The following PTPRT variants were observed in gnomAD, a reference collection of about 807,000 sequenced individuals.
The protein encoded by PTPRT is receptor-type tyrosine-protein phosphatase T.
Under a neutral mutation model 176.8 loss-of-function variants are expected in PTPRT, and 56 were observed. The observed-to-expected ratio is 0.32, with a 90% CI of 0.26 to 0.40. The LOEUF is 0.40. Among genes scored for constraint, PTPRT ranks in the 10% least tolerant of loss-of-function variants. The pLI, the probability that PTPRT is intolerant of heterozygous loss-of-function variation, is 1.00. For missense variants in PTPRT, 1,540 were observed against 1,908.2 expected (o/e 0.81, Z 3.60); for synonymous variants, 783 against 739.0 (o/e 1.06, Z -0.96).
chr20:43,146,189 A>G (rs547592763), intron 1 of PTPRT, among the ~76,000 whole-genome samples: 2 of 152,310 alleles, frequency 1.3e-5, no homozygotes, highest in Admixed American at 1.3e-4. Flanking sequence ...CATAATCCCC[A>G]CTGACACACT....
rs189175458 is a variant in PTPRT at position 42,425,587 on chromosome 20, A to G, written c.1560+22633T>C. On this transcript the variant is annotated intron_variant, in intron 9 of 30. Transcript: ENST00000373187. ...CATAGTTGATAATATTGTATTCTAT[A>G]CTTGAAATTTGCTAAGAGAGCTTAT... is the stretch of plus-strand genomic sequence containing the variant. Among the ~76,000 whole-genome samples the G allele has an allele frequency of 3.3e-5, 5 of 152,316 alleles. No homozygotes were observed. In the East Asian group the frequency reaches 9.6e-4, roughly 29 times the overall value.
chr20:42,211,289 G>C lies in PTPRT; in HGVS notation c.2343-11901C>G, dbSNP rs1414208204. The stretch of plus-strand genomic sequence containing the variant: ...AGCAATGGCAACAAAAGACAAAATT[G>C]ACAAATGGGATCTAATTAAACTAAA... On this transcript the variant is annotated intron_variant, in intron 15 of 30. Coordinates refer to ENST00000373187, the MANE Select transcript of PTPRT (RefSeq NM_007050.6). Among the ~76,000 whole-genome samples, 4 of 151,448 alleles carry C rather than the reference G, an allele frequency of 2.6e-5. No individual in the cohort carries two copies. The East Asian group carries it at 7.8e-4, about 30-fold the overall frequency.
At chr20:42,102,374 C>T (rs1986027516) in intron 25 of PTPRT, 77 bp from the exon 26 acceptor site, 2 of 1,467,750 alleles carry the variant, frequency 1.4e-6, no homozygotes, top group Non-Finnish European at 1.9e-6. Flanking sequence ...AATGTTCCAA[C>T]TCAGCCTAAC....
intron 9 of PTPRT, among the ~76,000 whole-genome samples, chr20:42,384,431 G>C (rs762486341): frequency 6.6e-6 from 1 of 152,180 alleles, no homozygotes; most frequent in Non-Finnish European, 1.5e-5. Flanking sequence ...ACAAGGGTGC[G>C]AGGGTGTTTC....
intron 1 of PTPRT, among the ~76,000 whole-genome samples, chr20:42,940,357 G>T (rs1980460934): frequency 6.6e-6 from 1 of 152,218 alleles, no homozygotes; most frequent in South Asian, 2.1e-4. Context: ...GAGCTCACAA[G>T]CTCACTGGGG....
chr20:42,376,505 G>A (rs530369444), intron 9 of PTPRT, among the ~76,000 whole-genome samples: 1 of 152,304 alleles, frequency 6.6e-6, no homozygotes, highest in South Asian at 2.1e-4. Flanking sequence ...AAATGCCACA[G>A]GGCTCCTGAC....
At chr20:42,952,516 T>C (rs1981315912) in intron 1 of PTPRT, among the ~76,000 whole-genome samples, 1 of 152,192 alleles carries the variant, frequency 6.6e-6, no homozygotes, top group Non-Finnish European at 1.5e-5. Context: ...CCCTAGGCAA[T>C]CTGCACAACT....
intron 2 of PTPRT, among the ~76,000 whole-genome samples, chr20:42,818,251 AC>A (rs1457827306): frequency 6.6e-6 from 1 of 151,810 alleles, no homozygotes; most frequent in Non-Finnish European, 1.5e-5. Flanking sequence ...CCTAAAGTGA[AC>A]CCCCAGCAAA....
chr20:42,118,362 C>A, intron 21 of PTPRT, 41 bp downstream of exon 21: 1 of 1,531,446 alleles, frequency 6.5e-7, no homozygotes. Flanking sequence ...GAGAGTGCAT[C>A]TCCAGCATCC....
intron 19 of PTPRT, among the ~76,000 whole-genome samples, chr20:42,124,129 G>A (rs1312119905): frequency 5.3e-5 from 8 of 152,170 alleles, no homozygotes; most frequent in African/African-American, 1.9e-4. Flanking sequence ...TTCTAACCAC[G>A]AGACTCCTCA....
chr20:42,547,569 A>G (rs2072697501), intron 7 of PTPRT, among the ~76,000 whole-genome samples: 1 of 152,110 alleles, frequency 6.6e-6, no homozygotes, highest in African/African-American at 2.4e-5. Context: ...TCTACTTTTG[A>G]TTAAATCTTT....
At position 42,810,124 on chromosome 20, in the gene PTPRT, C is replaced by G. The variant is rs185763533; in HGVS notation, c.215-18658G>C. Among the ~76,000 whole-genome samples, 211 of 152,150 alleles carry G rather than the reference C, an allele frequency of 1.4e-3. 1 individual carries two copies. The East Asian group carries it at 0.016, about 11-fold the overall frequency. On this transcript the variant is annotated intron_variant, in intron 2 of 30. Transcript: ENST00000373187. ...CCTGGGCAACACAGTGAAACCCCAT[C>G]GCTACTAAAATACAAAAAAATTAAC...
chr20:42,390,571 C>T (rs939996376), intron 9 of PTPRT, among the ~76,000 whole-genome samples: 1 of 152,182 alleles, frequency 6.6e-6, no homozygotes, highest in East Asian at 1.9e-4. Context: ...TAATTTCTTT[C>T]CCTTTTCTCT....
At chr20:42,982,247 G>A (rs946795735) in intron 1 of PTPRT, among the ~76,000 whole-genome samples, 2 of 152,164 alleles carry the variant, frequency 1.3e-5, no homozygotes, top group Non-Finnish European at 2.9e-5. Flanking sequence ...TATGCTGCCG[G>A]CACGGGGCTG....
intron 1 of PTPRT, among the ~76,000 whole-genome samples, chr20:43,000,299 T>C (rs1171374462): frequency 1.3e-5 from 2 of 151,844 alleles, no homozygotes; most frequent in African/African-American, 4.8e-5. Context: ...ACTAGACTAT[T>C]TCAGAATAAG....
chr20:42,489,396 C>T (rs1346937290), intron 7 of PTPRT, among the ~76,000 whole-genome samples: 2 of 152,064 alleles, frequency 1.3e-5, no homozygotes, highest in African/African-American at 4.8e-5. Flanking sequence ...TCACTTTCCC[C>T]TGTTGACCTA....
chr20:42,523,240 C>G (rs2062088133), intron 7 of PTPRT, among the ~76,000 whole-genome samples: 1 of 152,106 alleles, frequency 6.6e-6, no homozygotes, highest in Admixed American at 6.5e-5. Flanking sequence ...TGCCTTATTA[C>G]TTTCCTCTCC....
intron 5 of PTPRT, among the ~76,000 whole-genome samples, chr20:42,768,041 C>A (rs1178192254): frequency 1.4e-5 from 2 of 147,396 alleles, no homozygotes; most frequent in Non-Finnish European, 3.0e-5. Context: ...CTCTGGAGAA[C>A]CCTGACTAAT....
intron 13 of PTPRT, among the ~76,000 whole-genome samples, chr20:42,271,759 A>G (rs1258230557): frequency 1.3e-5 from 2 of 152,190 alleles, no homozygotes; most frequent in African/African-American, 4.8e-5. Context: ...AAAAACATAC[A>G]AAAGGTTGAA....
Sources: allele counts gnomAD v4.1 joint callset (sites outside exome capture counted in the v4.1 genomes callset), GRCh38; gene constraint gnomAD v4.1.1; transcripts MANE v1.5; gene names NCBI Gene and HGNC (gene_info 2026-07-23, HGNC 2026-07-21).